The following EGLN1 variants were observed in gnomAD, a reference collection of about 807,000 sequenced individuals.
EGLN1 encodes the protein egl nine homolog 1.
A neutral mutation model predicts 38.3 loss-of-function variants in EGLN1; 17 were observed. That is an observed-to-expected ratio of 0.44 (90% CI 0.30 to 0.67). The LOEUF is 0.67. Among genes scored for constraint, EGLN1 ranks in the 30% least tolerant of loss-of-function variants. The probability of loss-of-function intolerance (pLI) is 0.08; values close to 1 mark genes in which losing one functional copy is unlikely to be tolerated. For missense variants in EGLN1, 477 were observed against 603.3 expected (o/e 0.79, Z 2.19); for synonymous variants, 283 against 257.5 (o/e 1.10, Z -0.95).
At chr1:231,370,521 TACCATACTCTAA>T in intron 3 of EGLN1, 29 bp downstream of exon 3, 13 of 1,609,532 alleles carry the variant, frequency 8.1e-6, no homozygotes, top group Non-Finnish European at 1.0e-5. Flanking sequence ...CCTCCTGTCC[TACCATACTCTAA>T]ACCAATTTTT....
At position 231,364,340 on chromosome 1, in the gene EGLN1, A is replaced by C. The variant is rs566684988; in HGVS notation, c.*2071T>G. 3.6e-4 allele frequency: 55 copies of C among 152,326 alleles called. No homozygotes were observed. The highest frequency in any genetic ancestry group is 1.2e-3 in the African/African-American group (51 of 41,574). The allele number at this position is 152,326 out of a possible 1,614,324, so 9.4% of individuals were successfully genotyped here. On this transcript the variant is annotated 3_prime_UTR_variant, in exon 5 of 5. Transcript: ENST00000366641. Reference sequence around the variant, plus strand: ...ATTTCTACTAACCCTAAAAAAGATAATGCTTTTGAGTTGTGGCCTAACGCC... The same window carrying C: ...ATTTCTACTAACCCTAAAAAAGATACTGCTTTTGAGTTGTGGCCTAACGCC...
intron 1 of EGLN1, among the ~76,000 whole-genome samples, chr1:231,380,825 C>T (rs888264547): frequency 4.5e-4 from 69 of 152,108 alleles, no homozygotes; most frequent in Non-Finnish European, 8.8e-5. Context: ...ATTTTTAAGT[C>T]AGCATTTTTC....
At chr1:231,408,804 T>C (rs1463597624) in intron 1 of EGLN1, among the ~76,000 whole-genome samples, 1 of 152,074 alleles carries the variant, frequency 6.6e-6, no homozygotes, top group Non-Finnish European at 1.5e-5. Flanking sequence ...GTTGTAGCTC[T>C]GCTTAGAGAA....
intron 1 of EGLN1, among the ~76,000 whole-genome samples, chr1:231,402,992 T>G (rs1224982735): frequency 1.3e-5 from 2 of 152,202 alleles, no homozygotes; most frequent in Non-Finnish European, 2.9e-5. Context: ...CATCTATTTC[T>G]TCTTTGACCC....
intron 1 of EGLN1, among the ~76,000 whole-genome samples, chr1:231,394,753 C>A (rs1264120932): frequency 6.6e-6 from 1 of 151,990 alleles, no homozygotes; most frequent in Non-Finnish European, 1.5e-5. Context: ...ATAATTAAGG[C>A]AAACAAGCAA....
At chr1:231,384,387 G>A (rs1688143352) in intron 1 of EGLN1, among the ~76,000 whole-genome samples, 1 of 141,640 alleles carries the variant, frequency 7.1e-6, no homozygotes, top group Admixed American at 7.4e-5. Context: ...AGAAATGGCA[G>A]AAGACAAGCA....
chr1:231,414,778 C>A, intron 1 of EGLN1, among the ~76,000 whole-genome samples: 1 of 145,752 alleles, frequency 6.9e-6, no homozygotes, highest in Non-Finnish European at 1.5e-5. Context: ...GTCACCCAGG[C>A]TGGATGAAGT....
intron 1 of EGLN1, among the ~76,000 whole-genome samples, chr1:231,388,311 A>T (rs1688273263): frequency 6.6e-6 from 1 of 152,178 alleles, no homozygotes; most frequent in African/African-American, 2.4e-5. Context: ...TACATTTTTT[A>T]AAATCTTGAA....
In EGLN1 at chr1:231,373,768, T is replaced by C. The variant is rs927376305; in HGVS notation, c.1011+212A>G. 1.6e-4 allele frequency among the ~76,000 whole-genome samples: 25 copies of C among 152,234 alleles called. 1 individual carries two copies. The highest frequency in any genetic ancestry group is 4.2e-4 in the South Asian group (2 of 4,816). On this transcript the variant is annotated intron_variant, in intron 2 of 4. Transcript: ENST00000366641. ...TCTTAAATTTTTAAGTGCACAACAC[T>C]ACGTTGTTAACTACAGGTATCATGT...
chr1:231,386,117 GT>G (rs35724479), intron 1 of EGLN1, among the ~76,000 whole-genome samples: 1 of 149,524 alleles, frequency 6.7e-6, no homozygotes, highest in African/African-American at 2.5e-5. Flanking sequence ...TGCCCGGCTG[GT>G]TTTTTTTTTC....
intron 3 of EGLN1, among the ~76,000 whole-genome samples, chr1:231,368,339 A>G (rs1190006244): frequency 6.6e-6 from 1 of 152,254 alleles, no homozygotes; most frequent in Admixed American, 6.5e-5. Flanking sequence ...CTCTGGGGAC[A>G]TCACTACATT....
intron 1 of EGLN1, among the ~76,000 whole-genome samples, chr1:231,407,249 G>A (rs519504): frequency 0.15 from 22,668 of 152,040 alleles, 2,069 homozygotes; most frequent in African/African-American, 0.24. Flanking sequence ...CTTCTCCCAC[G>A]TTGATTAAAT....
At chr1:231,410,394 T>C (rs1318838553) in intron 1 of EGLN1, among the ~76,000 whole-genome samples, 1 of 152,084 alleles carries the variant, frequency 6.6e-6, no homozygotes, top group East Asian at 1.9e-4. Context: ...TAGAAGCAGA[T>C]CCCTCCCCAT....
Position 231,420,985 on chromosome 1 carries a change from A to T in EGLN1, c.891+13T>A. On this transcript the variant is annotated intron_variant, in intron 1 of 4. Transcript: ENST00000366641. ...AAGGGCCTGTCCAGCACAAACCCGC[A>T]GCACACACTTACTTTCGTCCGGCCA... is the stretch of plus-strand genomic sequence containing the variant. 1 of 1,613,356 alleles carries T rather than the reference A, an allele frequency of 6.2e-7. No individual in the cohort carries two copies. Among genetic ancestry groups the T allele is most frequent in the Non-Finnish European group, 8.5e-7 (1 of 1,179,906 alleles).
chr1:231,421,905 G>C lies in EGLN1; in HGVS notation c.-17C>G. On this transcript the variant is annotated 5_prime_UTR_variant, in exon 1 of 5. Coordinates refer to ENST00000366641, the MANE Select transcript of EGLN1 (RefSeq NM_022051.3). The surrounding 1 kb of genome is among the most constrained non-coding windows in gnomAD (Gnocchi z 5.5). ...ATTGGCCATGGCGGCGGCGGCGGCG[G>C]CGACGGCGACTGCGGCGGCCGAGCA... 1 of 1,398,420 alleles carries C rather than the reference G, an allele frequency of 7.2e-7. No homozygotes were observed. Among genetic ancestry groups the C allele is most frequent in the East Asian group, 3.0e-5 (1 of 32,810 alleles). 86.6% of individuals were successfully genotyped at this position (1,398,420 alleles called of 1,614,324 possible). A position where few individuals can be genotyped will look rare whatever the true frequency, so the allele number is the denominator to read the frequency against.
rs1357444347 is a variant in EGLN1 at position 231,421,536 on chromosome 1, G to A, written c.353C>T (p.Ala118Val). Reference protein sequence around the residue: ...AKGKVKAKPPADPAAAASPCR... With the variant: ...AKGKVKAKPPVDPAAAASPCR... ...CGGCGACGCGGCCGCCGCTGGGTCG[G>A]CCGGGGGCTTGGCCTTTACTTTTCC... The change falls in exon 1 of 5, where the codon GCC becomes GTC. Residue 118 changes from alanine (A) to valine (V), a missense_variant. Physicochemically the swap from Ala to Val is moderately conservative, Grantham distance 64 (BLOSUM62 0). This residue lies in a region of EGLN1 where 298 missense variants were observed against 288.9 expected (regional missense o/e 1.03). Coordinates refer to ENST00000366641, the MANE Select transcript of EGLN1 (RefSeq NM_022051.3). This position sits in a 1 kb window ranked among gnomAD's most constrained non-coding sequence, Gnocchi z 5.5. 7.7e-7 allele frequency: 1 copy of A among 1,298,998 alleles called. No individual in the cohort carries two copies. The highest frequency in any genetic ancestry group is 9.8e-7 in the Non-Finnish European group (1 of 1,025,100). The allele number at this position is 1,298,998 out of a possible 1,614,324, so 80.5% of individuals were successfully genotyped here.
intron 1 of EGLN1, among the ~76,000 whole-genome samples, chr1:231,415,540 G>T (rs1240003829): frequency 1.3e-5 from 2 of 152,104 alleles, no homozygotes; most frequent in African/African-American, 4.8e-5. Context: ...TTATCGGAGG[G>T]GAATGAGACA....
At chr1:231,404,091 T>C (rs988614109) in intron 1 of EGLN1, among the ~76,000 whole-genome samples, 2 of 152,122 alleles carry the variant, frequency 1.3e-5, no homozygotes, top group African/African-American at 4.8e-5. Context: ...CATACAGCAG[T>C]TCACATCTTA....
At chr1:231,409,015 G>GA (rs527849240) in intron 1 of EGLN1, among the ~76,000 whole-genome samples, 21,858 of 149,912 alleles carry the variant, frequency 0.15, 1,898 homozygotes, top group African/African-American at 0.24. Context: ...GATACAAAAA[G>GA]AAAAAAAACA....
Sources: gnomAD v4.1 joint callset for allele counts (sites outside exome capture counted in the v4.1 genomes callset) on GRCh38, gnomAD v4.1.1 for gene constraint, gnomAD v4.1.1 regional missense constraint, Gnocchi (gnomAD v3.1) non-coding constraint, MANE v1.5 for transcripts, NCBI Gene and HGNC (gene_info 2026-07-23, HGNC 2026-07-21) for gene names.